Variants in SREBF2 observed in about 807,000 individuals in gnomAD.
SREBF2 encodes the protein sterol regulatory element binding transcription factor 2, also known as sterol regulatory element-binding protein 2.
In SREBF2, 55 loss-of-function variants were observed where a neutral mutation model predicts 113.1. The observed-to-expected ratio is 0.49, with a 90% CI of 0.39 to 0.61. SREBF2 has a LOEUF of 0.61. Among genes scored for constraint, SREBF2 ranks in the 20% least tolerant of loss-of-function variants. The probability of loss-of-function intolerance (pLI) is 0.00; values close to 1 mark genes in which losing one functional copy is unlikely to be tolerated. For synonymous variants in SREBF2, 593 were observed against 605.7 expected, an observed-to-expected ratio of 0.98 and a Z score of 0.31; for missense variants, 1,349 against 1,487.4, an observed-to-expected ratio of 0.91 and a Z score of 1.53.
Position 41,904,243 on chromosome 22 carries a change from C to T in SREBF2, c.3094-620C>T, listed in dbSNP as rs574883582. On this transcript the variant is annotated intron_variant, in intron 17 of 18. Transcript: ENST00000361204. The stretch of plus-strand genomic sequence containing the variant: ...CCTGCTGAGAGCCCATCAGCGGCTC[C>T]CCATTGCCTACCAGGACCAGAATCC... 9.6e-4 allele frequency among the ~76,000 whole-genome samples: 146 copies of T among 152,268 alleles called. 1 individual carries two copies. Among genetic ancestry groups the T allele is most frequent in the African/African-American group, 3.3e-3 (139 of 41,544 alleles).
chr22:41,880,712 G>C lies in SREBF2; in HGVS notation c.1762-4G>C, dbSNP rs780782183. 1.2e-5 allele frequency: 19 copies of C among 1,614,060 alleles called. No individual in the cohort carries two copies. The highest frequency in any genetic ancestry group is 1.6e-5 in the Non-Finnish European group (19 of 1,180,040). ...GACCATTAACACCTTTTGATACTTT[G>C]TAGGGAGATTTTGCAGCTGCTGCCG... On this transcript the variant is annotated splice_polypyrimidine_tract_variant and splice_region_variant and intron_variant, in intron 9 of 18. Coordinates refer to ENST00000361204, the MANE Select transcript of SREBF2 (RefSeq NM_004599.4).
intron 2 of SREBF2, 89 bp from the exon 3 acceptor site, chr22:41,868,522 T>G: frequency 2.8e-6 from 4 of 1,443,402 alleles, no homozygotes; most frequent in African/African-American, 1.4e-5. Flanking sequence ...GGAATCATTA[T>G]GAGATACTCC....
chr22:41,846,449 C>T (rs1450617624), intron 1 of SREBF2, among the ~76,000 whole-genome samples: 1 of 152,140 alleles, frequency 6.6e-6, no homozygotes, highest in Non-Finnish European at 1.5e-5. Flanking sequence ...GAGGACTGCC[C>T]AATGGGGATT....
chr22:41,871,143 A>G (rs970935396), intron 4 of SREBF2, 108 bp downstream of exon 4: 14 of 1,444,428 alleles, frequency 9.7e-6, no homozygotes, highest in African/African-American at 8.5e-5. Flanking sequence ...GGGAGGGTCT[A>G]TAGCACAAAT....
intron 5 of SREBF2, 42 bp from the exon 6 acceptor site, chr22:41,875,295 C>A: frequency 6.5e-7 from 1 of 1,542,592 alleles, no homozygotes; most frequent in South Asian, 1.1e-5. Flanking sequence ...ACACTGTAGC[C>A]TGCACTGGTC....
chr22:41,893,089 G>A, intron 11 of SREBF2, 28 bp from the exon 12 acceptor site: 1 of 1,611,436 alleles, frequency 6.2e-7, no homozygotes, highest in Non-Finnish European at 8.5e-7. Context: ...CCACCTTGGT[G>A]TTACCCCTGG....
intron 11 of SREBF2, among the ~76,000 whole-genome samples, chr22:41,890,321 G>T (rs980647501): frequency 6.6e-6 from 1 of 152,216 alleles, no homozygotes; most frequent in Non-Finnish European, 1.5e-5. Flanking sequence ...TGCTGAGGCT[G>T]CATGCTCTCC....
intron 1 of SREBF2, among the ~76,000 whole-genome samples, chr22:41,856,485 A>G (rs2076979005): frequency 6.6e-6 from 1 of 152,222 alleles, no homozygotes; most frequent in Non-Finnish European, 1.5e-5. Context: ...AAAGATGACT[A>G]GATCATCTGA....
At position 41,900,699 on chromosome 22, in the gene SREBF2, T is replaced by C. The variant is rs9620000; in HGVS notation, c.2907+201T>C. On this transcript the variant is annotated intron_variant, in intron 16 of 18. Transcript: ENST00000361204. ...ATCCCTTTTCAGCCTCTGAGGCAAG[T>C]GTGTTTCTACCTGCACCTTTCTTAG... Among the ~76,000 whole-genome samples, 21,407 of 152,206 alleles carry C rather than the reference T, an allele frequency of 0.14. 2,268 individuals are homozygous for C. The highest frequency in any genetic ancestry group is 0.3 in the African/African-American group (12,526 of 41,500).
At chr22:41,852,728 ATTTTTTTTTTTTTT>A (rs544824099) in intron 1 of SREBF2, among the ~76,000 whole-genome samples, 10 of 40,400 alleles carry the variant, frequency 2.5e-4, no homozygotes, top group Non-Finnish European at 4.1e-4. Flanking sequence ...TCTCAGAATG[ATTTTTTTTTTTTTT>A]TTTTTTTTTT....
chr22:41,885,032 T>C (rs1200922995), intron 11 of SREBF2, 21 bp downstream of exon 11: 1 of 1,613,576 alleles, frequency 6.2e-7, no homozygotes, highest in Non-Finnish European at 8.5e-7. Context: ...TTCGGTTCCC[T>C]TCTGTAAACC....
chr22:41,844,862 ACTTTACC>A (rs1162963735), intron 1 of SREBF2, among the ~76,000 whole-genome samples: 1 of 151,754 alleles, frequency 6.6e-6, no homozygotes, highest in Non-Finnish European at 1.5e-5. Context: ...GAGGCCTTAC[ACTTTACC>A]CAAGTCCTCC....
At position 41,833,375 on chromosome 22, in the gene SREBF2, TG is replaced by T; in HGVS notation, c.88+20del. ...ACATCGACGGTGAGTGGTGGGTGGG[TG>T]GGAGTGCGGGGGCCGCGCGGGGAGG... On this transcript the variant is annotated intron_variant, in intron 1 of 18. Transcript: ENST00000361204. The surrounding 1 kb of genome is among the most constrained non-coding windows in gnomAD (Gnocchi z 4.1). 3.8e-6 allele frequency: 1 copy of T among 264,926 alleles called. No individual in the cohort carries two copies. Among genetic ancestry groups the T allele is most frequent in the Non-Finnish European group, 7.8e-6 (1 of 128,558 alleles). The allele number at this position is 264,926 out of a possible 1,614,324, so 16.4% of individuals were successfully genotyped here.
intron 4 of SREBF2, 136 bp from the exon 5 acceptor site, chr22:41,873,662 C>T (rs1312421013): frequency 1.8e-5 from 16 of 875,594 alleles, no homozygotes; most frequent in Non-Finnish European, 2.6e-5. Flanking sequence ...ATTTGATTAA[C>T]CCAGGAAGAG....
In SREBF2 at chr22:41,905,486, C is replaced by T. The variant is rs1302759449; in HGVS notation, c.3252C>T (p.Ile1084=). The part of the protein sequence containing the change: ...WPGQRERATA[I]LLACRHLPLS... Reference sequence around the variant, plus strand: ...GCCAGCGAGAGCGGGCCACCGCCATCCTGCTGGCCTGCCGCCACCTGCCCC... The same window carrying T: ...GCCAGCGAGAGCGGGCCACCGCCATTCTGCTGGCCTGCCGCCACCTGCCCC... Residue 1084 remains isoleucine, a synonymous_variant, in exon 19 of 19, where the codon ATC becomes ATT. Coordinates refer to ENST00000361204, the MANE Select transcript of SREBF2 (RefSeq NM_004599.4). The T allele has an allele frequency of 1.3e-6, 2 of 1,579,576 alleles. No homozygotes were observed. Among genetic ancestry groups the T allele is most frequent in the Middle Eastern group, 1.7e-4 (1 of 5,930 alleles).
chr22:41,905,426 TCTC>T lies in SREBF2; in HGVS notation c.3206-11_3206-9del, dbSNP rs764844132. On this transcript the variant is annotated splice_polypyrimidine_tract_variant and intron_variant, in intron 18 of 18. Transcript: ENST00000361204. Reference sequence around the variant, plus strand: ...GGTAGATTCTCGGTTGTGACACACATCTCCTTCCCACAGGAGAGGTGGATGCCT... The same window carrying T: ...GGTAGATTCTCGGTTGTGACACACATCTTCCCACAGGAGAGGTGGATGCCT... The T allele has an allele frequency of 1.3e-6, 2 of 1,561,616 alleles. No homozygotes were observed. Among genetic ancestry groups the T allele is most frequent in the Non-Finnish European group, 1.7e-6 (2 of 1,155,580 alleles).
At chr22:41,888,184 T>A (rs2077316979) in intron 11 of SREBF2, among the ~76,000 whole-genome samples, 1 of 152,246 alleles carries the variant, frequency 6.6e-6, no homozygotes, top group Non-Finnish European at 1.5e-5. Context: ...TTAGACATTT[T>A]AAGTCCTGTT....
At chr22:41,859,841 C>T (rs1389914050) in intron 1 of SREBF2, among the ~76,000 whole-genome samples, 4 of 112,460 alleles carry the variant, frequency 3.6e-5, no homozygotes, top group East Asian at 3.0e-4. Context: ...GACGGAGTCT[C>T]GCTCTGTCAC....
chr22:41,869,526 C>G (rs2077119829), intron 3 of SREBF2, among the ~76,000 whole-genome samples: 1 of 151,016 alleles, frequency 6.6e-6, no homozygotes, highest in Non-Finnish European at 1.5e-5. Context: ...TCTTGTTGCC[C>G]AGGTTGGAGT....
Sources: gnomAD v4.1 joint callset for allele counts (sites outside exome capture counted in the v4.1 genomes callset) on GRCh38, gnomAD v4.1.1 for gene constraint, Gnocchi (gnomAD v3.1) non-coding constraint, MANE v1.5 for transcripts, NCBI Gene and HGNC (gene_info 2026-07-23, HGNC 2026-07-21) for gene names.